The following CCDC77 variants were observed in gnomAD, a reference collection of about 807,000 sequenced individuals.
The protein encoded by CCDC77 is coiled-coil domain containing 77, also known as coiled-coil domain-containing protein 77.
A neutral mutation model predicts 66.8 loss-of-function variants in CCDC77; 56 were observed. That is an observed-to-expected ratio of 0.84 (90% confidence interval 0.68 to 1.05). CCDC77 has a LOEUF of 1.05. Among genes scored for constraint, CCDC77 ranks in the 50% least tolerant of loss-of-function variants. The pLI is 0.00. For synonymous variants in CCDC77, 196 were observed against 195.2 expected (o/e 1.00, Z -0.03); for missense variants, 570 against 576.8 (o/e 0.99, Z 0.12).
rs1002330243 is a variant in CCDC77 at position 438,744 on chromosome 12, GATTCATTC to G, written c.1041+204_1041+211del. On this transcript the variant is annotated intron_variant, in intron 10 of 12. Coordinates refer to ENST00000239830, the MANE Select transcript of CCDC77 (RefSeq NM_032358.4). ...GGGGATTCAAAATATTAGACTTGTT[GATTCATTC>G]ATTCATTCATTCAACAAATATTTAT... 7.9e-5 allele frequency: 41 copies of G among 520,796 alleles called. No individual in the cohort carries two copies. The East Asian group carries it at 1.2e-3, about 15-fold the overall frequency. The allele number at this position is 520,796 out of a possible 1,614,324, so 32.3% of individuals were successfully genotyped here. A position where few individuals can be genotyped will look rare whatever the true frequency, so the allele number is the denominator to read the frequency against.
At chr12:411,363 A>G (rs1945105821) in intron 3 of CCDC77, among the ~76,000 whole-genome samples, 1 of 151,872 alleles carries the variant, frequency 6.6e-6, no homozygotes. Context: ...GTATTTTGGT[A>G]GAGACGGGGT....
At chr12:423,470 G>GTTTTTTTTTTTTTTTTTTTTTTTTTTTTT (rs1307027692) in intron 5 of CCDC77, among the ~76,000 whole-genome samples, 2 of 44,846 alleles carry the variant, frequency 4.5e-5, no homozygotes, top group African/African-American at 1.5e-4. Flanking sequence ...TGTTTTTTGT[G>GTTTTTTTTTTTTTTTTTTTTTTTTTTTTT]TTTTTTGTGT....
At chr12:416,367 GTGTGTGTGTGTATATATATATA>G (rs1440008641) in intron 4 of CCDC77, among the ~76,000 whole-genome samples, 22 of 30,218 alleles carry the variant, frequency 7.3e-4, no homozygotes, top group South Asian at 1.3e-3. Context: ...GTGTGTGTGT[GTGTGTGTGTGTATATATATATA>G]TATATATATA....
At chr12:409,443 A>G in intron 3 of CCDC77, 22 bp downstream of exon 3, 1 of 1,609,366 alleles carries the variant, frequency 6.2e-7, no homozygotes, top group Non-Finnish European at 8.5e-7. Flanking sequence ...GCTTATTTTC[A>G]AGTTGTTAAG....
rs150611115 is a variant in CCDC77, at chr12:434,546, G to T, written c.821+1224G>T. Among the ~76,000 whole-genome samples the T allele has an allele frequency of 5.3e-3, 805 of 152,070 alleles. 8 individuals carry two copies. The highest frequency in any genetic ancestry group is 0.018 in the African/African-American group (766 of 41,486). On this transcript the variant is annotated intron_variant, in intron 9 of 12. Transcript: ENST00000239830. ...TTTGTATATTTAGTAGAGACGGGGT[G>T]TCACTGTGTTAGCCAGGCTGATCTA...
In CCDC77 at chr12:404,565, C is replaced by T. The variant is rs377258242; in HGVS notation, c.-70-946C>T. ...GGAGGATTGTTTGAGTCCGGGAGTT[C>T]AAGGCCAGCCTGGGCAACATAGCAA... On this transcript the variant is annotated intron_variant, in intron 1 of 12. Transcript: ENST00000239830. 1.8e-4 allele frequency among the ~76,000 whole-genome samples: 28 copies of T among 152,030 alleles called. 1 individual carries two copies. The South Asian group carries it at 5.4e-3, about 29-fold the overall frequency.
In CCDC77 at chr12:415,403, A is replaced by G. The variant is rs986788656; in HGVS notation, c.271-3091A>G. Among the ~76,000 whole-genome samples the G allele has an allele frequency of 2.0e-4, 15 of 74,136 alleles. 1 individual carries two copies. Among genetic ancestry groups the G allele is most frequent in the Non-Finnish European group, 3.4e-4 (11 of 32,294 alleles). 48.6% of individuals were successfully genotyped at this position (74,136 alleles called of 152,430 possible). On this transcript the variant is annotated intron_variant, in intron 4 of 12. Coordinates refer to ENST00000239830, the MANE Select transcript of CCDC77 (RefSeq NM_032358.4). ...ATAATATTATGTTAATATAATCAAC[A>G]TAATATGTTGATATTATTAACATAA... is the stretch of plus-strand genomic sequence containing the variant.
intron 7 of CCDC77, 54 bp from the exon 8 acceptor site, chr12:431,812 G>T (rs1003026626): frequency 5.2e-6 from 6 of 1,143,880 alleles, no homozygotes; most frequent in African/African-American, 1.6e-5. Context: ...TATTTCAATA[G>T]CACACAGAAA....
intron 5 of CCDC77, among the ~76,000 whole-genome samples, chr12:419,529 G>A (rs1392514873): frequency 1.2e-5 from 1 of 84,924 alleles, no homozygotes; most frequent in African/African-American, 5.7e-5. Flanking sequence ...GGGAGTGAGA[G>A]GGTAAACACA....
chr12:441,745 CTTT>C (rs34054482), intron 12 of CCDC77, 26 bp from the exon 13 acceptor site: 8,366 of 1,420,088 alleles, frequency 5.9e-3, no homozygotes, highest in South Asian at 8.3e-3. Context: ...ATCATCATTT[CTTT>C]TTTTTTTTTT....
chr12:411,424 C>T, intron 3 of CCDC77, among the ~76,000 whole-genome samples: 1 of 152,014 alleles, frequency 6.6e-6, no homozygotes, highest in Non-Finnish European at 1.5e-5. Context: ...AGGCAATCTG[C>T]CTGCTTTGGC....
chr12:392,766 A>C (rs1398552231), intron 1 of CCDC77, among the ~76,000 whole-genome samples: 1 of 151,958 alleles, frequency 6.6e-6, no homozygotes, highest in East Asian at 1.9e-4. Flanking sequence ...AATTATTGAG[A>C]ACCCCCAAAG....
At chr12:409,564 T>G in intron 3 of CCDC77, 143 bp downstream of exon 3, 2 of 710,236 alleles carry the variant, frequency 2.8e-6, no homozygotes, top group Non-Finnish European at 4.8e-6. Flanking sequence ...GTGCCCAGGA[T>G]GGGGTGCAGT....
Position 423,502 on chromosome 12 carries a change from T to G in CCDC77, c.413+4866T>G, listed in dbSNP as rs1339069425. On this transcript the variant is annotated intron_variant, in intron 5 of 12. Transcript: ENST00000239830. Reference sequence around the variant, plus strand: ...GTGTTTTTTTTTGTTTTGTTTTTTTTTTTTTTTTTTTGAGACAGGGTCTTG... The same window carrying G: ...GTGTTTTTTTTTGTTTTGTTTTTTTGTTTTTTTTTTTGAGACAGGGTCTTG... 3.5e-3 allele frequency among the ~76,000 whole-genome samples: 354 copies of G among 100,736 alleles called. 18 individuals carry two copies. Among genetic ancestry groups the G allele is most frequent in the African/African-American group, 0.014 (339 of 24,916 alleles). 66.1% of individuals were successfully genotyped at this position (100,736 alleles called of 152,430 possible).
At position 442,031 on chromosome 12, in the gene CCDC77, A is replaced by G; in HGVS notation, c.*111A>G. On this transcript the variant is annotated 3_prime_UTR_variant, in exon 13 of 13. Transcript: ENST00000239830. ...AACCTGAGTTGACTAGAGTGGTGGT[A>G]TTCATTATTGTAAAGACAGCTTGAA... 1.8e-6 allele frequency: 2 copies of G among 1,140,816 alleles called. No homozygotes were observed. The highest frequency in any genetic ancestry group is 2.8e-5 in the South Asian group (2 of 71,220). The allele number at this position is 1,140,816 out of a possible 1,614,324, so 70.7% of individuals were successfully genotyped here.
chr12:417,742 C>A (rs1009928684), intron 4 of CCDC77, among the ~76,000 whole-genome samples: 1 of 152,022 alleles, frequency 6.6e-6, no homozygotes, highest in Non-Finnish European at 1.5e-5. Context: ...GGTGAAACCC[C>A]GTCTCTACTA....
chr12:436,557 T>A (rs1278456574), intron 9 of CCDC77, among the ~76,000 whole-genome samples: 1 of 152,220 alleles, frequency 6.6e-6, no homozygotes, highest in African/African-American at 2.4e-5. Flanking sequence ...ATAATGTGTT[T>A]GCATTTGGCC....
intron 5 of CCDC77, among the ~76,000 whole-genome samples, chr12:424,204 C>A (rs1228580055): frequency 1.3e-5 from 2 of 152,100 alleles, no homozygotes; most frequent in African/African-American, 2.4e-5. Context: ...CTCCTGAGCT[C>A]AAGTGATCCT....
chr12:394,697 G>A (rs993645520), intron 1 of CCDC77, among the ~76,000 whole-genome samples: 3 of 152,216 alleles, frequency 2.0e-5, no homozygotes, highest in African/African-American at 7.2e-5. Flanking sequence ...GTGTGATTGC[G>A]AGAGAGTGAT....
Sources: allele counts gnomAD v4.1 joint callset (sites outside exome capture counted in the v4.1 genomes callset), GRCh38; gene constraint gnomAD v4.1.1; transcripts MANE v1.5; gene names NCBI Gene and HGNC (gene_info 2026-07-23, HGNC 2026-07-21).